Variants in THBS4 observed in about 807,000 individuals in gnomAD.
The protein encoded by THBS4 is thrombospondin-4.
THBS4 carries 90 observed loss-of-function variants against 115.7 expected under a neutral mutation model. The observed-to-expected ratio is 0.78, with a 90% confidence interval of 0.66 to 0.93. The LOEUF (loss-of-function observed/expected upper bound fraction) is 0.93. THBS4 is among the 40% of genes least tolerant of loss of function. The pLI, the probability that THBS4 is intolerant of heterozygous loss-of-function variation, is 0.00. For missense variants in THBS4, 1,087 were observed against 1,232.7 expected, an observed-to-expected ratio of 0.88 and a Z score of 1.77; for synonymous variants, 460 against 479.3, an observed-to-expected ratio of 0.96 and a Z score of 0.53.
chr5:80,072,540 G>A, intron 14 of THBS4, 144 bp downstream of exon 14: 2 of 741,330 alleles, frequency 2.7e-6, no homozygotes, highest in South Asian at 1.7e-5. Context: ...ATGACACACT[G>A]TGGGCCTGAA....
At chr5:80,067,667 T>C (rs1007301051) in intron 9 of THBS4, 1 of 216,932 alleles carries the variant, frequency 4.6e-6, no homozygotes, top group African/African-American at 2.3e-5. Context: ...ACTGGAACTT[T>C]TGACCTGTCC....
chr5:80,036,024 G>A, intron 1 of THBS4: 1 of 1,001,374 alleles, frequency 1.0e-6, no homozygotes, highest in Non-Finnish European at 1.2e-6. Flanking sequence ...TCCTCAGGCG[G>A]AGCGATGTAT....
chr5:80,017,945 C>G (rs1832283040), intron 2 of THBS4, among the ~76,000 whole-genome samples: 1 of 152,032 alleles, frequency 6.6e-6, no homozygotes. Flanking sequence ...TGCTGTACCT[C>G]TAATTTTTAT....
chr5:80,035,414 G>A lies in THBS4; in HGVS notation c.-124G>A. Reference sequence around the variant, plus strand: ...CGCCCCCGACGGCAGCCCGGACGCCGAGCACGGGTCACCTGCGGCGCCGGC... The same window carrying A: ...CGCCCCCGACGGCAGCCCGGACGCCAAGCACGGGTCACCTGCGGCGCCGGC... On this transcript the variant is annotated 5_prime_UTR_variant, in exon 1 of 22. Transcript: ENST00000350881. The surrounding 1 kb of genome is among the most constrained non-coding windows in gnomAD (Gnocchi z 4.6). 1.9e-6 allele frequency: 1 copy of A among 523,630 alleles called. No individual in the cohort carries two copies. The highest frequency in any genetic ancestry group is 2.8e-6 in the Non-Finnish European group (1 of 360,842). 32.4% of individuals were successfully genotyped at this position (523,630 alleles called of 1,614,324 possible).
At chr5:80,066,421 T>C (rs902398552) in intron 9 of THBS4, 2 of 152,152 alleles carry the variant, frequency 1.3e-5, no homozygotes, top group African/African-American at 2.4e-5. Flanking sequence ...CATTTTACAA[T>C]TGAAGAAACT....
intron 8 of THBS4, 57 bp downstream of exon 8, chr5:80,061,889 G>C (rs1833651393): frequency 6.6e-7 from 1 of 1,517,696 alleles, no homozygotes. Flanking sequence ...AACTGTGGTT[G>C]GTTCCCACCT....
At chr5:80,029,816 A>T (rs1156469093) in intron 2 of THBS4, among the ~76,000 whole-genome samples, 1 of 151,898 alleles carries the variant, frequency 6.6e-6, no homozygotes, top group African/African-American at 2.4e-5. Context: ...AAAAAAAAAA[A>T]AAAATTAGCC....
chr5:80,039,072 CT>C (rs1832810592), intron 1 of THBS4, among the ~76,000 whole-genome samples: 1 of 152,038 alleles, frequency 6.6e-6, no homozygotes, highest in Non-Finnish European at 1.5e-5. Flanking sequence ...TTTCATATTC[CT>C]TGCCCATTTT....
At chr5:80,025,075 C>A (rs1432479762) in intron 2 of THBS4, among the ~76,000 whole-genome samples, 1 of 152,124 alleles carries the variant, frequency 6.6e-6, no homozygotes, top group African/African-American at 2.4e-5. Context: ...TCTGTCCCAC[C>A]TCATTGTTGT....
intron 2 of THBS4, among the ~76,000 whole-genome samples, chr5:80,019,181 TGAATC>T (rs1337344425): frequency 2.0e-5 from 3 of 152,138 alleles, no homozygotes; most frequent in Non-Finnish European, 4.4e-5. Context: ...ATATTTAACT[TGAATC>T]TAATCATGAG....
At chr5:80,026,631 CT>C (rs2111995690) in intron 2 of THBS4, among the ~76,000 whole-genome samples, 1 of 152,272 alleles carries the variant, frequency 6.6e-6, no homozygotes, top group East Asian at 1.9e-4. Flanking sequence ...AATTATGAGC[CT>C]TGAAATTTGA....
Position 80,055,811 on chromosome 5 carries a change from G to C in THBS4, c.319G>C (p.Gly107Arg). Residue 107 changes from glycine (G) to arginine (R), a missense_variant, in exon 3 of 22, where the codon GGG becomes CGG. By Grantham distance (125) the Gly-to-Arg change is moderately radical (BLOSUM62 -2). Around this residue, in one of 3 missense-constraint regions of THBS4, gnomAD observed 979 missense variants for 1,103.7 expected, o/e 0.89. Transcript: ENST00000350881. ...CATCCTCCGTTACCTGAAGAACGAT[G>C]GGAAGGTGCATTTGGTGGTTTTCAA... is the stretch of plus-strand genomic sequence containing the variant. ...KAILRYLKND[G>R]KVHLVVFNNL... 6.2e-7 allele frequency: 1 copy of C among 1,613,852 alleles called. No individual in the cohort carries two copies. The highest frequency in any genetic ancestry group is 1.7e-4 in the Middle Eastern group (1 of 6,060).
chr5:80,058,067 G>A (rs1833490005), intron 3 of THBS4, 139 bp from the exon 4 acceptor site: 1 of 630,792 alleles, frequency 1.6e-6, no homozygotes, highest in Non-Finnish European at 2.7e-6. Flanking sequence ...AGGAAAAAAT[G>A]TGATCCTACA....
chr5:80,067,900 TAACTGTACCTTTGCTCA>T (rs1833888835), intron 9 of THBS4, 56 bp from the exon 10 acceptor site: 5 of 1,550,866 alleles, frequency 3.2e-6, no homozygotes, highest in Non-Finnish European at 2.6e-6. Flanking sequence ...ATATACACAA[TAACTGTACCTTTGCTCA>T]AACTGTACCT....
rs559520610 is a variant in THBS4 at position 80,083,240 on chromosome 5, C to G, written c.*99C>G. On this transcript the variant is annotated 3_prime_UTR_variant, in exon 22 of 22. Coordinates refer to ENST00000350881, the MANE Select transcript of THBS4 (RefSeq NM_003248.6). ...TTTTACCAACCCAAATATATCAAAA[C>G]GTTTTATGTGAATGTGGCAATAAAG... 2.0e-4 allele frequency: 212 copies of G among 1,051,122 alleles called. 1 individual carries two copies. The highest frequency in any genetic ancestry group is 1.6e-3 in the South Asian group (126 of 76,546). 65.1% of individuals were successfully genotyped at this position (1,051,122 alleles called of 1,614,324 possible).
intron 2 of THBS4, among the ~76,000 whole-genome samples, chr5:80,047,959 T>A (rs1281676571): frequency 2.6e-5 from 4 of 151,820 alleles, no homozygotes; most frequent in Non-Finnish European, 5.9e-5. Context: ...ATACATTTTT[T>A]AAAAAATTAG....
chr5:80,070,959 C>A, intron 12 of THBS4, 62 bp from the exon 13 acceptor site: 1 of 1,601,584 alleles, frequency 6.2e-7, no homozygotes, highest in African/African-American at 1.3e-5. Flanking sequence ...TGATGCTTCA[C>A]AACAATGGAG....
chr5:80,058,732 G>A lies in THBS4; in HGVS notation c.674G>A (p.Gly225Asp). Residue 225 changes from glycine (G) to aspartate (D), a missense_variant, in exon 5 of 22, where the codon GGT (glycine) becomes GAT (aspartate). By Grantham distance (94) the Gly-to-Asp change is moderately conservative (BLOSUM62 -1). Coordinates refer to ENST00000350881, the MANE Select transcript of THBS4 (RefSeq NM_003248.6). ...GGGGACTTTAACCGGCAGTTCTTGG[G>A]TCAAATGACACAATTAAACCAACTC... ...GTGDFNRQFL[G>D]QMTQLNQLLG... is the part of the protein sequence containing the mutation. The A allele has an allele frequency of 6.2e-7, 1 of 1,614,118 alleles. No homozygotes were observed. Among genetic ancestry groups the A allele is most frequent in the Non-Finnish European group, 8.5e-7 (1 of 1,180,018 alleles).
At chr5:80,078,312 C>A in intron 17 of THBS4, 85 bp downstream of exon 17, 2 of 1,209,890 alleles carry the variant, frequency 1.7e-6, no homozygotes, top group South Asian at 1.9e-5. Context: ...TTAGAGGGTG[C>A]AGACAATAAG....
Sources: gnomAD v4.1 joint callset for allele counts (sites outside exome capture counted in the v4.1 genomes callset) on GRCh38, gnomAD v4.1.1 for gene constraint, gnomAD v4.1.1 regional missense constraint, Gnocchi (gnomAD v3.1) non-coding constraint, MANE v1.5 for transcripts, NCBI Gene and HGNC (gene_info 2026-07-23, HGNC 2026-07-21) for gene names.